Variants in RASGRF2 observed in about 807,000 individuals in gnomAD.
RASGRF2 encodes the protein ras-specific guanine nucleotide-releasing factor 2.
Under a neutral mutation model 151.0 loss-of-function variants are expected in RASGRF2, and 76 were observed. The ratio of observed to expected loss-of-function variants is 0.50; its 90% CI spans 0.42 to 0.61. The LOEUF (loss-of-function observed/expected upper bound fraction) is 0.61, where lower values mean the gene tolerates loss of function less well. Ranked by LOEUF, RASGRF2 falls within the 20% of genes least tolerant of loss-of-function variation. RASGRF2 has a pLI of 0.00. For synonymous variants in RASGRF2, 504 were observed against 566.5 expected, an observed-to-expected ratio of 0.89 and a Z score of 1.57; for missense variants, 1,148 against 1,564.6, an observed-to-expected ratio of 0.73 and a Z score of 4.49.
chr5:81,056,680 C>A (rs1751225161), intron 2 of RASGRF2, among the ~76,000 whole-genome samples: 1 of 152,080 alleles, frequency 6.6e-6, no homozygotes, highest in Non-Finnish European at 1.5e-5. Flanking sequence ...TCCTGGATAT[C>A]CTTGTTAACT....
chr5:81,068,218 G>T, intron 3 of RASGRF2, 39 bp downstream of exon 3: 1 of 1,585,220 alleles, frequency 6.3e-7, no homozygotes, highest in African/African-American at 1.3e-5. Flanking sequence ...ATTGTTTCAC[G>T]TTTACCGTCA....
chr5:81,126,622 C>G (rs768207935), intron 16 of RASGRF2, among the ~76,000 whole-genome samples: 4 of 152,184 alleles, frequency 2.6e-5, no homozygotes, highest in Non-Finnish European at 4.4e-5. Flanking sequence ...TATGGGTTCA[C>G]CTCTGCTGGA....
chr5:81,140,525 A>G (rs1479601306), intron 17 of RASGRF2, among the ~76,000 whole-genome samples: 2 of 152,038 alleles, frequency 1.3e-5, no homozygotes, highest in African/African-American at 4.8e-5. Context: ...CACTGGTGTG[A>G]GTACACTCCT....
intron 1 of RASGRF2, among the ~76,000 whole-genome samples, chr5:81,037,511 A>G (rs754714499): frequency 6.6e-6 from 1 of 152,246 alleles, no homozygotes; most frequent in South Asian, 2.1e-4. Context: ...CTGAAATTTC[A>G]TGATGATGTC....
At chr5:81,210,608 G>T (rs1755609578) in intron 22 of RASGRF2, among the ~76,000 whole-genome samples, 1 of 152,170 alleles carries the variant, frequency 6.6e-6, no homozygotes, top group Non-Finnish European at 1.5e-5. Flanking sequence ...AAACCATCCT[G>T]CATGCAGTGG....
intron 2 of RASGRF2, among the ~76,000 whole-genome samples, chr5:81,046,020 G>A (rs985937882): frequency 1.2e-4 from 18 of 152,240 alleles, no homozygotes; most frequent in Non-Finnish European, 1.8e-4. Context: ...ATTCAGTACT[G>A]CTGCCTTTCT....
intron 1 of RASGRF2, among the ~76,000 whole-genome samples, chr5:81,037,764 C>CA (rs1750549355): frequency 6.6e-6 from 1 of 151,992 alleles, no homozygotes; most frequent in Non-Finnish European, 1.5e-5. Flanking sequence ...TAAAAAAAGT[C>CA]AAAATAAAAA....
chr5:81,183,208 A>G lies in RASGRF2; in HGVS notation c.2793+2927A>G. The G allele has an allele frequency of 8.1e-6, 8 of 983,570 alleles. No individual in the cohort carries two copies. In the South Asian group the frequency reaches 3.8e-4, roughly 46 times the overall value. The allele number at this position is 983,570 out of a possible 1,614,324, so 60.9% of individuals were successfully genotyped here. On this transcript the variant is annotated intron_variant, in intron 18 of 26. Coordinates refer to ENST00000265080, the MANE Select transcript of RASGRF2 (RefSeq NM_006909.3). ...AGGCCACTTCGATTTCTAGAAACAG[A>G]AAAGCTGTAGATCCACATCAATCAA...
chr5:80,989,985 C>T (rs1748595792), intron 1 of RASGRF2, among the ~76,000 whole-genome samples: 1 of 152,178 alleles, frequency 6.6e-6, no homozygotes, highest in African/African-American at 2.4e-5. Context: ...TTCCTCTGCT[C>T]ATGTACTCTG....
chr5:81,177,358 T>C (rs1209396679), intron 17 of RASGRF2, among the ~76,000 whole-genome samples: 1 of 152,138 alleles, frequency 6.6e-6, no homozygotes, highest in Non-Finnish European at 1.5e-5. Context: ...GATGCCTGTC[T>C]ACATTCGAAG....
At chr5:81,005,095 A>G (rs1319789481) in intron 1 of RASGRF2, among the ~76,000 whole-genome samples, 2 of 152,148 alleles carry the variant, frequency 1.3e-5, no homozygotes, top group Admixed American at 6.5e-5. Flanking sequence ...TGGACATTTC[A>G]TGTAAGTGGA....
intron 12 of RASGRF2, among the ~76,000 whole-genome samples, chr5:81,108,692 T>C (rs58457316): frequency 0.038 from 5,810 of 152,268 alleles, 382 homozygotes; most frequent in African/African-American, 0.13. Context: ...CAAAGTGACA[T>C]TGTGGTCAGA....
At chr5:81,166,590 G>C (rs1285233090) in intron 17 of RASGRF2, among the ~76,000 whole-genome samples, 1 of 152,130 alleles carries the variant, frequency 6.6e-6, no homozygotes, top group Admixed American at 6.5e-5. Context: ...CACATGTGAG[G>C]GAGTGGCGGT....
At chr5:80,991,140 C>T (rs1748635682) in intron 1 of RASGRF2, among the ~76,000 whole-genome samples, 1 of 152,106 alleles carries the variant, frequency 6.6e-6, no homozygotes, top group Admixed American at 6.6e-5. Flanking sequence ...CCCCTGGAGG[C>T]CTTGTAAAAT....
rs375456827 is a variant in RASGRF2 at position 80,987,516 on chromosome 5, G to A, written c.288+26490G>A. Among the ~76,000 whole-genome samples the A allele has an allele frequency of 7.9e-5, 12 of 152,266 alleles. No individual in the cohort carries two copies. In the East Asian group the frequency reaches 2.3e-3, roughly 29 times the overall value. On this transcript the variant is annotated intron_variant, in intron 1 of 26. Transcript: ENST00000265080. ...AAGACAATTTTTGGAAATAAGTGCT[G>A]GGTGATTTGTAGTGACGTCACTTAT...
intron 1 of RASGRF2, among the ~76,000 whole-genome samples, chr5:81,014,505 C>G (rs746407454): frequency 5.3e-5 from 8 of 152,118 alleles, no homozygotes; most frequent in Non-Finnish European, 1.2e-4. Context: ...AGACTTGCCC[C>G]CATGATTCAG....
intron 1 of RASGRF2, chr5:80,997,692 G>C (rs1465600515): frequency 6.6e-6 from 1 of 152,138 alleles, no homozygotes; most frequent in Non-Finnish European, 1.5e-5. Context: ...AGTTGTTGCC[G>C]GGCGTGGTGG....
chr5:81,196,265 C>T (rs998660320), intron 18 of RASGRF2, among the ~76,000 whole-genome samples: 2 of 152,030 alleles, frequency 1.3e-5, no homozygotes, highest in African/African-American at 2.4e-5. Context: ...CAAAAACAAA[C>T]AAATAACAAC....
intron 17 of RASGRF2, among the ~76,000 whole-genome samples, chr5:81,167,230 G>C (rs1319767643): frequency 6.6e-6 from 1 of 152,168 alleles, no homozygotes; most frequent in Non-Finnish European, 1.5e-5. Context: ...ACTTAACACA[G>C]TTAGAAGAAC....
Sources: gnomAD v4.1 joint callset for allele counts (sites outside exome capture counted in the v4.1 genomes callset) on GRCh38, gnomAD v4.1.1 for gene constraint, MANE v1.5 for transcripts, NCBI Gene and HGNC (gene_info 2026-07-23, HGNC 2026-07-21) for gene names.